The following CFAP251 variants were observed in gnomAD, a reference collection of about 807,000 sequenced individuals.
CFAP251 encodes cilia and flagella associated protein 251.
In CFAP251, 93 loss-of-function variants were observed where a neutral mutation model predicts 126.7. The observed-to-expected ratio is 0.73, with a 90% CI of 0.62 to 0.87. CFAP251 has a LOEUF of 0.87. Ranked by LOEUF, CFAP251 falls within the 40% of genes least tolerant of loss-of-function variation. The pLI is 0.00. For missense variants in CFAP251, 1,287 were observed against 1,389.2 expected (o/e 0.93, Z 1.17); for synonymous variants, 503 against 506.9 (o/e 0.99, Z 0.10).
intron 9 of CFAP251, 35 bp downstream of exon 9, chr12:121,951,565 T>C: frequency 6.6e-7 from 1 of 1,508,754 alleles, no homozygotes; most frequent in Non-Finnish European, 9.2e-7. Context: ...TCCATCAGAT[T>C]TTGTGGAGAA....
chr12:121,998,432 AATATATATATATATATATATATAT>A (rs71082926), intron 19 of CFAP251: 2,115 of 85,620 alleles, frequency 0.025, 77 homozygotes, highest in Non-Finnish European at 0.034. Context: ...TTTTTAGTGT[AATATATATATATATATATATATAT>A]ATATATATAT....
intron 15 of CFAP251, among the ~76,000 whole-genome samples, chr12:121,963,727 A>T (rs913175612): frequency 6.7e-6 from 1 of 149,710 alleles, no homozygotes; most frequent in Non-Finnish European, 1.5e-5. Context: ...CCATTCCCTC[A>T]TCCACAGCCC....
chr12:121,928,657 CGTATATATAT>C (rs1880533704), intron 3 of CFAP251, among the ~76,000 whole-genome samples: 3 of 20,602 alleles, frequency 1.5e-4, no homozygotes, highest in East Asian at 1.2e-3. Context: ...TATATATATA[CGTATATATAT>C]ACGTATATAT....
chr12:121,996,278 C>T (rs1276690008), intron 19 of CFAP251, among the ~76,000 whole-genome samples: 1 of 152,156 alleles, frequency 6.6e-6, no homozygotes, highest in Admixed American at 6.5e-5. Context: ...CTCTGTTGCT[C>T]TTATTCTTTC....
At chr12:121,950,375 A>C (rs1356100405) in intron 8 of CFAP251, 5 of 152,126 alleles carry the variant, frequency 3.3e-5, no homozygotes, top group African/African-American at 1.2e-4. Context: ...AATGTCTTGG[A>C]TCTAGATGGT....
chr12:121,940,453 T>C (rs758164964), intron 5 of CFAP251, among the ~76,000 whole-genome samples: 2 of 152,184 alleles, frequency 1.3e-5, no homozygotes, highest in Admixed American at 6.5e-5. Context: ...ACAGACTTGA[T>C]ACCAGCCAGT....
chr12:121,972,854 C>A (rs1427549162), intron 17 of CFAP251, among the ~76,000 whole-genome samples: 1 of 152,098 alleles, frequency 6.6e-6, no homozygotes, highest in Non-Finnish European at 1.5e-5. Context: ...TAAAGGCATT[C>A]AGTTTTATAA....
At chr12:121,965,321 C>G (rs1882083325) in intron 15 of CFAP251, among the ~76,000 whole-genome samples, 1 of 152,334 alleles carries the variant, frequency 6.6e-6, no homozygotes, top group Non-Finnish European at 1.5e-5. Context: ...AAAACGGGCA[C>G]TCTCATCCGC....
chr12:121,970,388 G>A (rs945330016), intron 17 of CFAP251, among the ~76,000 whole-genome samples: 3 of 152,090 alleles, frequency 2.0e-5, no homozygotes, highest in Non-Finnish European at 2.9e-5. Flanking sequence ...TCGAATCCTA[G>A]CTAATCACTA....
At chr12:121,996,212 G>C (rs1053505289) in intron 19 of CFAP251, among the ~76,000 whole-genome samples, 2 of 152,216 alleles carry the variant, frequency 1.3e-5, no homozygotes, top group African/African-American at 4.8e-5. Context: ...GACCAAAGTA[G>C]AATGCCTGTT....
At chr12:121,929,033 A>G (rs1860268305) in intron 3 of CFAP251, among the ~76,000 whole-genome samples, 1 of 151,994 alleles carries the variant, frequency 6.6e-6, no homozygotes, top group African/African-American at 2.4e-5. Flanking sequence ...GTTTATAGAA[A>G]AATTGAAGGC....
At chr12:121,995,243 G>A (rs1882997050) in intron 19 of CFAP251, among the ~76,000 whole-genome samples, 1 of 152,182 alleles carries the variant, frequency 6.6e-6, no homozygotes, top group Non-Finnish European at 1.5e-5. Flanking sequence ...AACCTCTACT[G>A]CCTCATGGTA....
At chr12:121,982,246 G>A (rs1393996306) in intron 19 of CFAP251, among the ~76,000 whole-genome samples, 4 of 150,790 alleles carry the variant, frequency 2.7e-5, no homozygotes, top group South Asian at 2.1e-4. Flanking sequence ...TCACTCTGTC[G>A]CCCAGGCTGG....
rs541966988 is a variant in CFAP251, at chr12:121,967,697, G to A, written c.2608-309G>A. On this transcript the variant is annotated intron_variant, in intron 16 of 21. Transcript: ENST00000288912. ...AGCCTGGACGACAGAGTGAGACTCC[G>A]TCAAAAAAAAGAAAAGTGTAAAGTC... is the stretch of plus-strand genomic sequence containing the variant. Among the ~76,000 whole-genome samples the A allele has an allele frequency of 5.9e-5, 9 of 152,138 alleles. No homozygotes were observed. In the East Asian group the frequency reaches 9.7e-4, roughly 16 times the overall value.
In CFAP251 at chr12:121,958,301, C is replaced by T. The variant is rs563736562; in HGVS notation, c.1760C>T (p.Ala587Val). The T allele has an allele frequency of 7.1e-5, 114 of 1,614,176 alleles. No individual in the cohort carries two copies. In the South Asian group the frequency reaches 9.9e-4, roughly 14 times the overall value. The change falls in exon 12 of 22, where the codon GCG becomes GTG. Residue 587 changes from alanine (A) to valine (V), a missense_variant. Physicochemically the swap from Ala to Val is moderately conservative, Grantham distance 64 (BLOSUM62 0). Coordinates refer to ENST00000288912, the MANE Select transcript of CFAP251 (RefSeq NM_144668.6). ...TTTATCATTGGAACATCTGATGCCG[C>T]GGTGTACCACTTAACAACAGATGGG... ...RNFIIGTSDAAVYHLTTDGTK... is the reference protein window; with the variant it reads ...RNFIIGTSDAVVYHLTTDGTK...
At chr12:121,925,104 C>T (rs1388158978) in intron 3 of CFAP251, among the ~76,000 whole-genome samples, 1 of 152,002 alleles carries the variant, frequency 6.6e-6, no homozygotes, top group Non-Finnish European at 1.5e-5. Context: ...ACCTCTTCTG[C>T]CTTTATCTTT....
intron 17 of CFAP251, among the ~76,000 whole-genome samples, chr12:121,970,537 C>T (rs1037781632): frequency 1.3e-5 from 2 of 152,210 alleles, no homozygotes; most frequent in Non-Finnish European, 2.9e-5. Flanking sequence ...AGAGCACCTA[C>T]TGTGTGCTTG....
intron 7 of CFAP251, among the ~76,000 whole-genome samples, chr12:121,944,446 A>G (rs972136654): frequency 1.3e-5 from 2 of 152,232 alleles, no homozygotes; most frequent in African/African-American, 2.4e-5. Flanking sequence ...TGATAGCGAT[A>G]GTGTTGAATC....
At chr12:121,992,086 C>CGT (rs2135812915) in intron 19 of CFAP251, 1 of 401,310 alleles carries the variant, frequency 2.5e-6, no homozygotes, top group South Asian at 1.0e-4. Flanking sequence ...CCTTAGCAGG[C>CGT]GTGAGAATGC....
Sources: gnomAD v4.1 joint callset for allele counts (sites outside exome capture counted in the v4.1 genomes callset) on GRCh38, gnomAD v4.1.1 for gene constraint, MANE v1.5 for transcripts, NCBI Gene and HGNC (gene_info 2026-07-23, HGNC 2026-07-21) for gene names.